Variants in ARB2A observed in about 807,000 individuals in gnomAD.
ARB2A encodes the protein ARB2 cotranscriptional regulator A.
the ARB2A span, among the ~76,000 whole-genome samples, chr5:93,719,580 T>C: frequency 6.6e-6 from 1 of 152,216 alleles, no homozygotes; most frequent in Non-Finnish European, 1.5e-5. Context: ...CTATTTTTAC[T>C]ATTATATCTT....
chr5:93,668,913 G>C, the ARB2A span, among the ~76,000 whole-genome samples: 1 of 152,092 alleles, frequency 6.6e-6, no homozygotes, highest in Non-Finnish European at 1.5e-5. Context: ...CAGGTCTGTC[G>C]ATCTGCCATG....
the ARB2A span, among the ~76,000 whole-genome samples, chr5:93,786,413 C>T: frequency 4.6e-5 from 7 of 152,200 alleles, no homozygotes; most frequent in Non-Finnish European, 1.0e-4. Flanking sequence ...TTTATCATCA[C>T]ATCACACTGT....
At chr5:93,709,845 T>G in the ARB2A span, among the ~76,000 whole-genome samples, 1 of 152,074 alleles carries the variant, frequency 6.6e-6, no homozygotes, top group Non-Finnish European at 1.5e-5. Context: ...TTTCCAACCC[T>G]ATAATTTTTC....
the ARB2A span, among the ~76,000 whole-genome samples, chr5:93,793,235 GC>G: frequency 1.0e-4 from 5 of 48,800 alleles, no homozygotes; most frequent in African/African-American, 2.7e-4. Context: ...AACACTTCTG[GC>G]TAATTTTTTT....
At chr5:94,069,067 T>TAGAC in the ARB2A span, among the ~76,000 whole-genome samples, 2 of 151,246 alleles carry the variant, frequency 1.3e-5, no homozygotes, top group African/African-American at 2.4e-5. Context: ...GATAGATAGA[T>TAGAC]AGATAGATAG....
the ARB2A span, among the ~76,000 whole-genome samples, chr5:93,627,072 C>T: frequency 6.6e-6 from 1 of 152,202 alleles, no homozygotes; most frequent in Non-Finnish European, 1.5e-5. Flanking sequence ...TCTCAAGAAA[C>T]CACATTCTTT....
chr5:94,084,653 T>C, the ARB2A span, among the ~76,000 whole-genome samples: 1 of 152,136 alleles, frequency 6.6e-6, no homozygotes, highest in Admixed American at 6.5e-5. Flanking sequence ...TAAGAAAGCA[T>C]GCCATTAATA....
At chr5:93,820,277 G>T in the ARB2A span, among the ~76,000 whole-genome samples, 1 of 152,132 alleles carries the variant, frequency 6.6e-6, no homozygotes, top group African/African-American at 2.4e-5. Flanking sequence ...CAATAACTGG[G>T]CATTGATAAA....
the ARB2A span, chr5:93,741,181 T>A: frequency 6.2e-7 from 1 of 1,613,720 alleles, no homozygotes; most frequent in African/African-American, 1.3e-5. Context: ...CTTGGCCAAT[T>A]GCTGCAACTC....
At chr5:93,849,375 T>C in the ARB2A span, among the ~76,000 whole-genome samples, 1 of 152,152 alleles carries the variant, frequency 6.6e-6, no homozygotes, top group African/African-American at 2.4e-5. Flanking sequence ...AAAGATGAGA[T>C]TATTATTGCA....
chr5:93,671,816 C>T, the ARB2A span, among the ~76,000 whole-genome samples: 15 of 152,024 alleles, frequency 9.9e-5, no homozygotes, highest in South Asian at 3.1e-3. Flanking sequence ...AGACTTAAAA[C>T]TTTAAATGGA....
chr5:94,086,221 CTTT>C, the ARB2A span, among the ~76,000 whole-genome samples: 1 of 152,172 alleles, frequency 6.6e-6, no homozygotes, highest in East Asian at 1.9e-4. Context: ...TGCACACAAT[CTTT>C]TTTATCAACA....
At chr5:93,833,544 G>A in the ARB2A span, among the ~76,000 whole-genome samples, 1 of 152,160 alleles carries the variant, frequency 6.6e-6, no homozygotes, top group African/African-American at 2.4e-5. Flanking sequence ...GATATGTAGT[G>A]TAATTTTTAT....
the ARB2A span, among the ~76,000 whole-genome samples, chr5:93,791,941 G>GAA: frequency 2.7e-5 from 4 of 145,544 alleles, no homozygotes; most frequent in African/African-American, 7.6e-5. Flanking sequence ...AAAAGAAAAG[G>GAA]AAAAAAAAAA....
the ARB2A span, among the ~76,000 whole-genome samples, chr5:93,785,281 G>A: frequency 6.6e-6 from 1 of 152,044 alleles, no homozygotes; most frequent in Admixed American, 6.5e-5. Flanking sequence ...CCCTAATTTG[G>A]TGTAATAAAT....
the ARB2A span, among the ~76,000 whole-genome samples, chr5:93,893,163 G>T: frequency 6.6e-6 from 1 of 151,950 alleles, no homozygotes; most frequent in African/African-American, 2.4e-5. Flanking sequence ...GGTGTTCCTG[G>T]GGGTTACAAA....
the ARB2A span, among the ~76,000 whole-genome samples, chr5:94,073,597 A>C: frequency 6.6e-6 from 1 of 152,092 alleles, no homozygotes; most frequent in Non-Finnish European, 1.5e-5. Flanking sequence ...TTGGGAGATC[A>C]AATTTTCACA....
At chr5:93,924,618 G>C in the ARB2A span, among the ~76,000 whole-genome samples, 2 of 152,092 alleles carry the variant, frequency 1.3e-5, no homozygotes, top group Admixed American at 1.3e-4. Context: ...AGAAGATATA[G>C]AGAAAGAAAA....
At chr5:93,874,775 G>C in the ARB2A span, among the ~76,000 whole-genome samples, 1 of 152,090 alleles carries the variant, frequency 6.6e-6, no homozygotes, top group Admixed American at 6.6e-5. Flanking sequence ...GATAATGTTA[G>C]AACTGAATTG....
Sources: allele counts gnomAD v4.1 joint callset (sites outside exome capture counted in the v4.1 genomes callset), GRCh38; gene constraint gnomAD v4.1.1; transcripts MANE v1.5; gene names NCBI Gene and HGNC (gene_info 2026-07-23, HGNC 2026-07-21).